SDK1: variants seen among roughly 807,000 people sequenced by gnomAD.
SDK1 encodes protein sidekick-1.
A neutral mutation model predicts 245.5 loss-of-function variants in SDK1; 157 were observed. The observed-to-expected ratio is 0.64, with a 90% CI of 0.56 to 0.73. SDK1 has a LOEUF of 0.73. Ranked by LOEUF, SDK1 falls within the 30% of genes least tolerant of loss-of-function variation. The probability of loss-of-function intolerance (pLI) is 0.00; values close to 1 mark genes in which losing one functional copy is unlikely to be tolerated. For synonymous variants in SDK1, 1,647 were observed against 1,278.5 expected, an observed-to-expected ratio of 1.29 and a Z score of -6.15; for missense variants, 3,583 against 3,002.3, an observed-to-expected ratio of 1.19 and a Z score of -4.52.
intron 14 of SDK1, among the ~76,000 whole-genome samples, chr7:4,001,425 A>G (rs956764440): frequency 6.6e-6 from 1 of 152,058 alleles, no homozygotes; most frequent in Non-Finnish European, 1.5e-5. Flanking sequence ...GGTCCAGGTC[A>G]AAGTCTGGCC....
At chr7:3,665,164 G>A (rs1284191637) in intron 4 of SDK1, among the ~76,000 whole-genome samples, 2 of 152,176 alleles carry the variant, frequency 1.3e-5, no homozygotes, top group Non-Finnish European at 2.9e-5. Context: ...TAGGTCCCAG[G>A]TGTGAATGCC....
intron 35 of SDK1, among the ~76,000 whole-genome samples, chr7:4,197,789 C>T (rs1229990116): frequency 6.6e-5 from 10 of 152,214 alleles, no homozygotes; most frequent in Admixed American, 6.5e-4. Context: ...GCAGGCGCTC[C>T]TGACCTTCAG....
At chr7:3,449,610 C>A (rs1345691942) in intron 1 of SDK1, among the ~76,000 whole-genome samples, 2 of 152,066 alleles carry the variant, frequency 1.3e-5, no homozygotes, top group East Asian at 3.9e-4. Context: ...ACAGGAAGGC[C>A]ATAAGGAAAT....
intron 2 of SDK1, among the ~76,000 whole-genome samples, chr7:3,633,994 G>A (rs746802466): frequency 5.9e-5 from 9 of 151,996 alleles, no homozygotes; most frequent in African/African-American, 1.2e-4. Flanking sequence ...CCCCACCACC[G>A]CTGCTGTCAG....
intron 1 of SDK1, among the ~76,000 whole-genome samples, chr7:3,427,168 C>T (rs1405679575): frequency 7.2e-5 from 11 of 152,128 alleles, no homozygotes; most frequent in Non-Finnish European, 1.5e-5. Context: ...TAAAAATTCT[C>T]TGTCAGTGAT....
chr7:3,661,402 C>A (rs949192404), intron 4 of SDK1, among the ~76,000 whole-genome samples: 20 of 152,164 alleles, frequency 1.3e-4, no homozygotes, highest in African/African-American at 4.1e-4. Flanking sequence ...ACATTAACAA[C>A]CTGCCGTTGG....
intron 28 of SDK1, among the ~76,000 whole-genome samples, chr7:4,139,386 C>CCT (rs1477726298): frequency 7.7e-6 from 1 of 130,010 alleles, no homozygotes; most frequent in Non-Finnish European, 1.7e-5. Context: ...TATATATGTA[C>CCT]GTGTGTGTGT....
rs149594844 is a variant in SDK1 at position 3,950,157 on chromosome 7, C to T, written c.848-766C>T. Among the ~76,000 whole-genome samples, 64 of 152,306 alleles carry T rather than the reference C, an allele frequency of 4.2e-4. No homozygotes were observed. The East Asian group carries it at 6.6e-3, about 16-fold the overall frequency. Reference sequence around the variant, plus strand: ...ACACACAGAGCAGTAGCGTAAGGCCCGGTAACCATGCCCGGTAGGACAGGC... The same window carrying T: ...ACACACAGAGCAGTAGCGTAAGGCCTGGTAACCATGCCCGGTAGGACAGGC... On this transcript the variant is annotated intron_variant, in intron 5 of 44. Coordinates refer to ENST00000404826, the MANE Select transcript of SDK1 (RefSeq NM_152744.4).
intron 22 of SDK1, among the ~76,000 whole-genome samples, chr7:4,090,721 C>A (rs1781734147): frequency 6.6e-6 from 1 of 152,186 alleles, no homozygotes; most frequent in Non-Finnish European, 1.5e-5. Flanking sequence ...GATTTAGAAA[C>A]CAAGATCCAG....
At chr7:4,045,434 C>T (rs886383980) in intron 17 of SDK1, among the ~76,000 whole-genome samples, 2 of 151,590 alleles carry the variant, frequency 1.3e-5, no homozygotes, top group African/African-American at 4.9e-5. Flanking sequence ...TTTGTAGGGA[C>T]GGGGTCTCTC....
chr7:4,090,975 A>G (rs1007579725), intron 22 of SDK1, among the ~76,000 whole-genome samples: 3 of 152,084 alleles, frequency 2.0e-5, no homozygotes, highest in South Asian at 2.1e-4. Flanking sequence ...ATTCCACTCT[A>G]TGTGGCCAGT....
intron 1 of SDK1, among the ~76,000 whole-genome samples, chr7:3,519,104 A>G (rs1029863731): frequency 1.3e-5 from 2 of 152,146 alleles, no homozygotes; most frequent in South Asian, 4.1e-4. Flanking sequence ...AGTTGATTTC[A>G]TAGAAGTCAA....
chr7:3,337,831 T>C (rs552233434), intron 1 of SDK1: 6 of 152,310 alleles, frequency 3.9e-5, no homozygotes, highest in Admixed American at 1.3e-4. Context: ...AGGAAAACTT[T>C]CTTGCATGAA....
At chr7:3,682,884 G>T (rs896444647) in intron 4 of SDK1, among the ~76,000 whole-genome samples, 1 of 151,978 alleles carries the variant, frequency 6.6e-6, no homozygotes, top group African/African-American at 2.4e-5. Context: ...GACTACAGGG[G>T]CCTGCCACCA....
intron 1 of SDK1, among the ~76,000 whole-genome samples, chr7:3,591,059 A>G (rs1335635081): frequency 6.6e-6 from 1 of 152,198 alleles, no homozygotes; most frequent in Non-Finnish European, 1.5e-5. Flanking sequence ...ACAACGGTTT[A>G]TATGATAATC....
At chr7:3,995,188 C>T (rs569180687) in intron 14 of SDK1, among the ~76,000 whole-genome samples, 2 of 152,326 alleles carry the variant, frequency 1.3e-5, no homozygotes, top group South Asian at 4.1e-4. Context: ...GGCATTCCTC[C>T]GGATTCCCTG....
chr7:3,977,694 C>G (rs1455513354), intron 13 of SDK1, among the ~76,000 whole-genome samples: 1 of 152,258 alleles, frequency 6.6e-6, no homozygotes, highest in South Asian at 2.1e-4. Flanking sequence ...AGCTGATCCT[C>G]CTGGTAGCAC....
intron 1 of SDK1, among the ~76,000 whole-genome samples, chr7:3,573,649 T>A (rs1445905166): frequency 1.3e-5 from 2 of 152,006 alleles, no homozygotes; most frequent in Admixed American, 6.5e-5. Context: ...TCAAATGATC[T>A]TCTTCCCAGG....
chr7:3,311,944 A>G (rs1388880444), intron 1 of SDK1, among the ~76,000 whole-genome samples: 1 of 152,208 alleles, frequency 6.6e-6, no homozygotes, highest in East Asian at 1.9e-4. Context: ...AGTAGGAGGC[A>G]TGGCCTTGGG....
Sources: gnomAD v4.1 joint callset for allele counts (sites outside exome capture counted in the v4.1 genomes callset) on GRCh38, gnomAD v4.1.1 for gene constraint, MANE v1.5 for transcripts, NCBI Gene and HGNC (gene_info 2026-07-23, HGNC 2026-07-21) for gene names.